Variants in PLPPR3 observed in about 807,000 individuals in gnomAD.
PLPPR3 encodes the protein phospholipid phosphatase related 3.
A neutral mutation model predicts 27.3 loss-of-function variants in PLPPR3; 14 were observed. The ratio of observed to expected loss-of-function variants is 0.51; its 90% CI spans 0.34 to 0.80. The LOEUF is 0.80. Ranked by LOEUF, PLPPR3 falls within the 30% of genes least tolerant of loss-of-function variation. The pLI, the probability that PLPPR3 is intolerant of heterozygous loss-of-function variation, is 0.01. For missense variants in PLPPR3, 1,287 were observed against 1,056.9 expected, an observed-to-expected ratio of 1.22 and a Z score of -3.02; for synonymous variants, 671 against 508.0, an observed-to-expected ratio of 1.32 and a Z score of -4.32.
At chr19:821,975 G>A (rs925833569), upstream of PLPPR3, 2 of 155,958 alleles carry the variant, frequency 1.3e-5, no homozygotes, top group African/African-American at 4.8e-5. Context: ...CCGGGAGCCG[G>A]GAAGGGGAGG....
At position 812,588 on chromosome 19, in the gene PLPPR3, C is replaced by T. The variant is rs1355605457; in HGVS notation, c.2139G>A (p.Ala713=). 3 of 1,101,058 alleles carry T rather than the reference C, an allele frequency of 2.7e-6. No homozygotes were observed. The highest frequency in any genetic ancestry group is 2.1e-5 in the South Asian group (1 of 47,436). 68.2% of individuals were successfully genotyped at this position (1,101,058 alleles called of 1,614,324 possible). A position where few individuals can be genotyped will look rare whatever the true frequency, so the allele number is the denominator to read the frequency against. ...CGCCGCGCTAGTCGGGGAAGCGGCG[C>T]GCCTGCATCTTGCGGAAGTAGCCCT... ...EAEGYFRKMQ[A]RRFPD is the part of the protein sequence containing the mutation. Residue 713 remains alanine, a synonymous_variant, in exon 8 of 8, where the codon GCG becomes GCA. Coordinates refer to ENST00000520876, the MANE Select transcript of PLPPR3 (RefSeq NM_001270366.2).
intron 2 of PLPPR3, among the ~76,000 whole-genome samples, chr19:817,950 G>A (rs968339621): frequency 1.3e-5 from 2 of 152,154 alleles, no homozygotes; most frequent in Non-Finnish European, 2.9e-5. Flanking sequence ...AGGTGGAGAT[G>A]AGTCAATGTG....
At chr19:820,330 C>T (rs958757746) in intron 2 of PLPPR3, among the ~76,000 whole-genome samples, 10 of 151,488 alleles carry the variant, frequency 6.6e-5, no homozygotes, top group African/African-American at 1.5e-4. Flanking sequence ...AATAAAGGCA[C>T]GCAGCACACG....
At chr19:821,028 T>C (rs1465698073) in intron 2 of PLPPR3, among the ~76,000 whole-genome samples, 5 of 152,198 alleles carry the variant, frequency 3.3e-5, no homozygotes, top group African/African-American at 1.2e-4. Flanking sequence ...AGATATTAAT[T>C]CCTATCAGCT....
At chr19:814,231 C>T (rs1486680451) in intron 7 of PLPPR3, among the ~76,000 whole-genome samples, 1 of 149,706 alleles carries the variant, frequency 6.7e-6, no homozygotes, top group East Asian at 2.0e-4. Context: ...CCCTCAGACC[C>T]TCTGGGCCAG....
Position 812,900 on chromosome 19 carries a change from G to C in PLPPR3, c.1827C>G (p.Gly609=). ...CGCCGTCGGCCTCCGCCTTGGCCCC[G>C]CCGCCCGCCGCCTTCCACTCCCAGG... The part of the protein sequence containing the change: ...GAPWEWKAAG[G]GAKAEADGGY... The change falls in exon 8 of 8, where the codon GGC becomes GGG. Residue 609 remains glycine, a synonymous_variant. Coordinates refer to ENST00000520876, the MANE Select transcript of PLPPR3 (RefSeq NM_001270366.2). 7.8e-7 allele frequency: 1 copy of C among 1,276,756 alleles called. No individual in the cohort carries two copies. Among genetic ancestry groups the C allele is most frequent in the Non-Finnish European group, 9.9e-7 (1 of 1,006,294 alleles). The allele number at this position is 1,276,756 out of a possible 1,614,324, so 79.1% of individuals were successfully genotyped here. A position where few individuals can be genotyped will look rare whatever the true frequency, so the allele number is the denominator to read the frequency against.
chr19:814,296 CCT>C (rs1235097099), intron 7 of PLPPR3, 136 bp downstream of exon 7: 20 of 837,862 alleles, frequency 2.4e-5, no homozygotes, highest in South Asian at 7.2e-5. Flanking sequence ...ACCAGCCTCC[CCT>C]GTCAGACCCC....
chr19:821,798 C>G (rs2035151389), intron 1 of PLPPR3, 117 bp downstream of exon 1: 16 of 208,650 alleles, frequency 7.7e-5, no homozygotes, highest in Middle Eastern at 1.6e-3. Context: ...CCGAGGAGGG[C>G]GGGGGGTCTC....
At chr19:818,297 C>G (rs183396992) in intron 2 of PLPPR3, among the ~76,000 whole-genome samples, 216 of 152,038 alleles carry the variant, frequency 1.4e-3, no homozygotes, top group Middle Eastern at 6.8e-3. Context: ...GTGGGAGAAT[C>G]GTTTGAGGAC....
chr19:821,351 G>T, intron 2 of PLPPR3, 134 bp downstream of exon 2: 1 of 629,850 alleles, frequency 1.6e-6, no homozygotes, highest in Non-Finnish European at 2.5e-6. Flanking sequence ...CCATCCGCCG[G>T]ACACCCCGGT....
Position 815,735 on chromosome 19 carries a change from C to T in PLPPR3, c.192G>A (p.Val64=). The T allele has an allele frequency of 6.2e-7, 1 of 1,611,998 alleles. No homozygotes were observed. Among genetic ancestry groups the T allele is most frequent in the Non-Finnish European group, 8.5e-7 (1 of 1,179,552 alleles). Residue 64 remains valine, a synonymous_variant, in exon 3 of 8, where the codon GTG becomes GTA. Coordinates refer to ENST00000520876, the MANE Select transcript of PLPPR3 (RefSeq NM_001270366.2). ...GCGGGATGAGCTCCTCGTTGGTCTC[C>T]ACGTAGGGCATGGAGAGAGTGCGGT... ...CYDRTLSMPY[V]ETNEELIPLL...
intron 1 of PLPPR3, 27 bp from the exon 2 acceptor site, chr19:821,612 G>C (rs1014385507): frequency 1.2e-5 from 16 of 1,384,880 alleles, no homozygotes; most frequent in South Asian, 4.2e-5. Context: ...GGCGCTGGAG[G>C]GGGGCGCGCA....
In PLPPR3 at chr19:814,926, T is replaced by G. The variant is rs1305566557; in HGVS notation, c.559A>C (p.Ile187Leu). ...CEVNPYITQD[I>L]CSGHDIHAIL... is the part of the protein sequence containing the mutation. Reference sequence around the variant, plus strand: ...GCGTGGATGTCGTGGCCGGAGCAGATGTCCTGCGTGATGTAGGGGTTGACC... The same window carrying G: ...GCGTGGATGTCGTGGCCGGAGCAGAGGTCCTGCGTGATGTAGGGGTTGACC... The change falls in exon 5 of 8, where the codon ATC (isoleucine) becomes CTC (leucine). Residue 187 changes from isoleucine (I) to leucine (L), a missense_variant. Coordinates refer to ENST00000520876, the MANE Select transcript of PLPPR3 (RefSeq NM_001270366.2). The G allele has an allele frequency of 2.5e-6, 4 of 1,612,022 alleles. No individual in the cohort carries two copies. In the African/African-American group the frequency reaches 5.3e-5, roughly 22 times the overall value.
At chr19:823,324 C>G (rs1280111020), upstream of PLPPR3, among the ~76,000 whole-genome samples, 7 of 151,374 alleles carry the variant, frequency 4.6e-5, no homozygotes, top group East Asian at 1.4e-3. Flanking sequence ...CGCCTGTAAT[C>G]CCAGCCAGAT....
Position 813,722 on chromosome 19 carries a change from C to T in PLPPR3, c.1005G>A (p.Ala335=), listed in dbSNP as rs1413604270. 1.3e-6 allele frequency: 2 copies of T among 1,525,354 alleles called. No individual in the cohort carries two copies. The highest frequency in any genetic ancestry group is 1.2e-5 in the South Asian group (1 of 82,962). The allele number at this position is 1,525,354 out of a possible 1,614,324, so 94.5% of individuals were successfully genotyped here. A position where few individuals can be genotyped will look rare whatever the true frequency, so the allele number is the denominator to read the frequency against. ...TCTTCTCGCGGGCCACGGGCCGGGG[C>T]GCGCCCTCCAGCCGCCCTGGGGGCC... ...ELGPPGRLEG[A]PRPVAREKTS... The change falls in exon 8 of 8, where the codon GCG becomes GCA. Residue 335 remains alanine (A), a synonymous_variant. Coordinates refer to ENST00000520876, the MANE Select transcript of PLPPR3 (RefSeq NM_001270366.2). The surrounding 1 kb of genome is among the most constrained non-coding windows in gnomAD (Gnocchi z 4.1).
At position 813,074 on chromosome 19, in the gene PLPPR3, G is replaced by GGGGC; in HGVS notation, c.1649_1652dup (p.Lys552ProfsTer?). 6.7e-7 allele frequency: 1 copy of GGGGC among 1,499,958 alleles called. No individual in the cohort carries two copies. The highest frequency in any genetic ancestry group is 8.8e-7 in the Non-Finnish European group (1 of 1,135,296). The allele number at this position is 1,499,958 out of a possible 1,614,324, so 92.9% of individuals were successfully genotyped here. On this transcript the variant is annotated frameshift_variant, in exon 8 of 8. Coordinates refer to ENST00000520876, the MANE Select transcript of PLPPR3 (RefSeq NM_001270366.2). LOFTEE classifies it low-confidence loss of function (END_TRUNC). The surrounding 1 kb of genome is among the most constrained non-coding windows in gnomAD (Gnocchi z 4.1). ...ACGACGACGCCGTCTCGGCCGCCTT[G>GGGGC]GGGCCCGGCGCGCCCGGAGCCTTGG...
At position 812,813 on chromosome 19, in the gene PLPPR3, G is replaced by A. The variant is rs2034954862; in HGVS notation, c.1914C>T (p.Ser638=). ...CCACGTCGCTGACCGACGAGCCGGG[G>A]GACACGCCCGGGGGCTTGGCCCCGC... ...FRGGAKPPGV[S]PGSSVSDVDQ... Residue 638 remains serine (S), a synonymous_variant, in exon 8 of 8, where the codon TCC becomes TCT. Coordinates refer to ENST00000520876, the MANE Select transcript of PLPPR3 (RefSeq NM_001270366.2). 2 of 1,099,848 alleles carry A rather than the reference G, an allele frequency of 1.8e-6. No homozygotes were observed. Among genetic ancestry groups the A allele is most frequent in the South Asian group, 7.5e-5 (2 of 26,608 alleles). 68.1% of individuals were successfully genotyped at this position (1,099,848 alleles called of 1,614,324 possible).
chr19:823,221 C>T (rs1320897745), upstream of PLPPR3, among the ~76,000 whole-genome samples: 2 of 151,058 alleles, frequency 1.3e-5, no homozygotes, highest in African/African-American at 4.9e-5. Context: ...GCGGGAGGAT[C>T]CCTTGAGGCC....
chr19:820,301 G>A (rs1002950052), intron 2 of PLPPR3, among the ~76,000 whole-genome samples: 3 of 150,376 alleles, frequency 2.0e-5, no homozygotes, highest in South Asian at 2.1e-4. Context: ...CTCCCACCTC[G>A]GCCTCCTAAG....
Sources: gnomAD v4.1 joint callset for allele counts (sites outside exome capture counted in the v4.1 genomes callset) on GRCh38, gnomAD v4.1.1 for gene constraint, Gnocchi (gnomAD v3.1) non-coding constraint, MANE v1.5 for transcripts, NCBI Gene and HGNC (gene_info 2026-07-23, HGNC 2026-07-21) for gene names.